The following ROR1 variants were observed in gnomAD, a reference collection of about 807,000 sequenced individuals.
ROR1 encodes the protein inactive tyrosine-protein kinase transmembrane receptor ROR1.
A neutral mutation model predicts 78.8 loss-of-function variants in ROR1; 19 were observed. That is an observed-to-expected ratio of 0.24 (90% CI 0.17 to 0.35). The LOEUF (loss-of-function observed/expected upper bound fraction) is 0.35, where lower values mean the gene tolerates loss of function less well. ROR1 is among the 10% of genes least tolerant of loss of function. ROR1 has a pLI of 1.00. For missense variants in ROR1, 917 were observed against 1,177.8 expected (o/e 0.78, Z 3.24); for synonymous variants, 386 against 433.6 (o/e 0.89, Z 1.36).
chr1:63,862,162 G>A (rs753584042), intron 1 of ROR1, among the ~76,000 whole-genome samples: 2 of 151,942 alleles, frequency 1.3e-5, no homozygotes, highest in Admixed American at 6.6e-5. Context: ...GGAGACCGAG[G>A]CAGGTGGATC....
intron 4 of ROR1, among the ~76,000 whole-genome samples, chr1:64,098,689 A>C (rs1050183078): frequency 1.3e-5 from 2 of 152,174 alleles, no homozygotes; most frequent in Non-Finnish European, 2.9e-5. Flanking sequence ...TGCATAGTCC[A>C]GCCAGAGGGG....
rs913339500 is a variant in ROR1, at chr1:63,871,029, C to T, written c.91+96521C>T. Among the ~76,000 whole-genome samples, 11 of 152,064 alleles carry T rather than the reference C, an allele frequency of 7.2e-5. No individual in the cohort carries two copies. The East Asian group carries it at 1.5e-3, about 21-fold the overall frequency. On this transcript the variant is annotated intron_variant, in intron 1 of 8. Transcript: ENST00000371079. Reference sequence around the variant, plus strand: ...ATTGCCCACCTCACTTGGTTGTGGTCGGTATTAAACTGGATAATGCAAATA... The same window carrying T: ...ATTGCCCACCTCACTTGGTTGTGGTTGGTATTAAACTGGATAATGCAAATA...
chr1:64,029,078 T>C (rs1646639172), intron 2 of ROR1: 1 of 152,164 alleles, frequency 6.6e-6, no homozygotes, highest in Non-Finnish European at 1.5e-5. Context: ...ACTAGTTTTA[T>C]GATCATTAAT....
chr1:63,841,679 A>G lies in ROR1; in HGVS notation c.91+67171A>G, dbSNP rs187535258. 1.2e-3 allele frequency among the ~76,000 whole-genome samples: 176 copies of G among 152,356 alleles called. 4 individuals are homozygous for G. In the South Asian group the frequency reaches 0.014, roughly 12 times the overall value. On this transcript the variant is annotated intron_variant, in intron 1 of 8. Coordinates refer to ENST00000371079, the MANE Select transcript of ROR1 (RefSeq NM_005012.4). ...CCATTGAAGCAATTTTAATTTAAAT[A>G]AAGGATACAACTAATTCTGGATCTG...
intron 1 of ROR1, among the ~76,000 whole-genome samples, chr1:63,844,736 C>G (rs141576845): frequency 5.9e-5 from 9 of 152,060 alleles, no homozygotes; most frequent in East Asian, 1.9e-4. Context: ...AGTGAGGAAG[C>G]CTGTTTAAAG....
Position 64,142,497 on chromosome 1 carries a change from T to C in ROR1, c.1021T>C (p.Tyr341His), listed in dbSNP as rs781670093. The C allele has an allele frequency of 6.2e-7, 1 of 1,614,060 alleles. No individual in the cohort carries two copies. Among genetic ancestry groups the C allele is most frequent in the African/African-American group, 1.3e-5 (1 of 74,922 alleles). The change falls in exon 7 of 9, where the codon TAT becomes CAT. Residue 341 changes from tyrosine (Y) to histidine (H), a missense_variant. Tyr to His is a moderately conservative substitution (Grantham distance 83). Transcript: ENST00000371079. ...CCAGTGCCAGCCATGGAATTCCCAG[T>C]ATCCCCACACACACACTTTCACCGC... The part of the protein sequence containing the change: ...GRQCQPWNSQ[Y>H]PHTHTFTALR...
At chr1:63,781,930 C>T (rs1644653715) in intron 1 of ROR1, among the ~76,000 whole-genome samples, 1 of 152,130 alleles carries the variant, frequency 6.6e-6, no homozygotes, top group Admixed American at 6.5e-5. Context: ...CTAATCCTGG[C>T]TTTTAGGACT....
intron 4 of ROR1, among the ~76,000 whole-genome samples, chr1:64,081,054 G>T (rs1647097455): frequency 6.6e-6 from 1 of 152,134 alleles, no homozygotes. Context: ...TTAGGCCTTT[G>T]TAGCTCTAAG....
intron 1 of ROR1, among the ~76,000 whole-genome samples, chr1:63,782,622 G>T (rs1224922472): frequency 4.0e-5 from 6 of 150,942 alleles, no homozygotes; most frequent in African/African-American, 1.5e-4. Flanking sequence ...TCAGTGTGTG[G>T]TGAGATCAAT....
rs184623074 is a variant in ROR1 at position 63,955,854 on chromosome 1, C to T, written c.92-53451C>T. On this transcript the variant is annotated intron_variant, in intron 1 of 8. Transcript: ENST00000371079. ...AGCAAGTGTGACTCAGGGGCTCTCT[C>T]GGCTAGAAGGCCTCTGAGCCTAGTT... 3.9e-5 allele frequency among the ~76,000 whole-genome samples: 6 copies of T among 152,314 alleles called. No homozygotes were observed. The South Asian group carries it at 8.3e-4, about 21-fold the overall frequency.
intron 1 of ROR1, among the ~76,000 whole-genome samples, chr1:63,851,716 T>C (rs1442590282): frequency 1.2e-4 from 19 of 152,240 alleles, no homozygotes; most frequent in Admixed American, 1.2e-3. Context: ...ATAAGCTCAT[T>C]TGGTAGGAAA....
intron 1 of ROR1, among the ~76,000 whole-genome samples, chr1:63,934,093 G>T (rs1371776052): frequency 6.6e-6 from 1 of 152,132 alleles, no homozygotes; most frequent in African/African-American, 2.4e-5. Context: ...GTCAGGGAGA[G>T]CAATAAAGCA....
At chr1:64,071,840 T>C (rs1647006376) in intron 4 of ROR1, among the ~76,000 whole-genome samples, 2 of 152,180 alleles carry the variant, frequency 1.3e-5, no homozygotes, top group Admixed American at 1.3e-4. Flanking sequence ...TTCTGTGGGA[T>C]GAAGCAATTA....
chr1:64,088,778 A>AAAATAAT (rs1387299190), intron 4 of ROR1, among the ~76,000 whole-genome samples: 3 of 152,154 alleles, frequency 2.0e-5, no homozygotes, highest in Non-Finnish European at 2.9e-5. Flanking sequence ...AAATGACATA[A>AAAATAAT]AAATAATTCT....
At chr1:64,120,323 G>C (rs978040654) in intron 4 of ROR1, among the ~76,000 whole-genome samples, 1 of 152,058 alleles carries the variant, frequency 6.6e-6, no homozygotes, top group Admixed American at 6.5e-5. Flanking sequence ...GAATTGCTAC[G>C]GGGAGCCTAA....
intron 1 of ROR1, among the ~76,000 whole-genome samples, chr1:63,849,934 A>G (rs1019860763): frequency 3.9e-5 from 6 of 152,244 alleles, no homozygotes; most frequent in African/African-American, 1.2e-4. Context: ...ATAAAACATT[A>G]TAGATACAAC....
At chr1:63,852,444 A>G (rs1645120302) in intron 1 of ROR1, among the ~76,000 whole-genome samples, 2 of 152,196 alleles carry the variant, frequency 1.3e-5, no homozygotes, top group Non-Finnish European at 1.5e-5. Flanking sequence ...AAAGAGGGCT[A>G]TTGTGTCCAT....
At chr1:64,050,439 C>CT (rs1291914149) in intron 3 of ROR1, among the ~76,000 whole-genome samples, 3 of 151,874 alleles carry the variant, frequency 2.0e-5, no homozygotes, top group Admixed American at 1.3e-4. Context: ...TCGATTAACT[C>CT]TTTTTTTAGC....
At chr1:63,943,893 G>C (rs566037244) in intron 1 of ROR1, among the ~76,000 whole-genome samples, 6 of 152,270 alleles carry the variant, frequency 3.9e-5, no homozygotes, top group African/African-American at 1.2e-4. Context: ...AAATACCAGA[G>C]TTTATTCTTT....
Sources: allele counts gnomAD v4.1 joint callset (sites outside exome capture counted in the v4.1 genomes callset), GRCh38; gene constraint gnomAD v4.1.1; transcripts MANE v1.5; gene names NCBI Gene and HGNC (gene_info 2026-07-23, HGNC 2026-07-21).